Variants in ABCC10 observed in about 807,000 individuals in gnomAD.
ABCC10 encodes ATP-binding cassette sub-family C member 10.
A neutral mutation model predicts 143.2 loss-of-function variants in ABCC10; 110 were observed. That is an observed-to-expected ratio of 0.77 (90% confidence interval 0.66 to 0.90). The LOEUF (loss-of-function observed/expected upper bound fraction) is 0.90. Ranked by LOEUF, ABCC10 falls within the 40% of genes least tolerant of loss-of-function variation. The pLI is 0.00. For missense variants in ABCC10, 1,700 were observed against 1,900.5 expected (o/e 0.89, Z 1.96); for synonymous variants, 805 against 846.7 (o/e 0.95, Z 0.85).
At chr6:43,437,208 G>A (rs1160984507) in intron 6 of ABCC10, among the ~76,000 whole-genome samples, 1 of 151,998 alleles carries the variant, frequency 6.6e-6, no homozygotes, top group Non-Finnish European at 1.5e-5. Flanking sequence ...GAGTTTACAA[G>A]TTACAGCCAA....
intron 2 of ABCC10, among the ~76,000 whole-genome samples, chr6:43,428,370 T>C (rs1322739077): frequency 1.3e-5 from 2 of 152,204 alleles, no homozygotes; most frequent in Non-Finnish European, 2.9e-5. Context: ...TTTAAGCATA[T>C]AGTGCAGCGC....
intron 1 of ABCC10, 62 bp from the exon 2 acceptor site, chr6:43,427,905 TG>T: frequency 6.3e-7 from 1 of 1,581,914 alleles, no homozygotes; most frequent in South Asian, 1.1e-5. Context: ...GAGACCCGGC[TG>T]GGAAGTGCAG....
At chr6:43,438,865 C>G in intron 8 of ABCC10, 70 bp downstream of exon 8, 1 of 1,557,476 alleles carries the variant, frequency 6.4e-7, no homozygotes, top group South Asian at 1.2e-5. Flanking sequence ...AAACCAGGAG[C>G]TTTGCTTTTC....
downstream of ABCC10, chr6:43,451,256 G>A (rs150986737): frequency 1.7e-5 from 27 of 1,613,810 alleles, no homozygotes; most frequent in Non-Finnish European, 2.2e-5. The surrounding 1 kb of genome is among the most constrained non-coding windows in gnomAD (Gnocchi z 4.4). Context: ...GGCACTGCCC[G>A]CCATTGCGGC....
In ABCC10 at chr6:43,443,210, A is replaced by G; in HGVS notation, c.2416+51A>G. On this transcript the variant is annotated intron_variant, in intron 10 of 21. Transcript: ENST00000372530. This position sits in a 1 kb window ranked among gnomAD's most constrained non-coding sequence, Gnocchi z 4.2. ...AGGGAGGTGTCTGCCCAGGTCTGGCAGGGGATTGTGAAGTACAGACTCTGC... is the reference window on the plus strand; with the variant it reads ...AGGGAGGTGTCTGCCCAGGTCTGGCGGGGGATTGTGAAGTACAGACTCTGC... 1 of 1,517,800 alleles carries G rather than the reference A, an allele frequency of 6.6e-7. No individual in the cohort carries two copies. Among genetic ancestry groups the G allele is most frequent in the Non-Finnish European group, 8.8e-7 (1 of 1,138,670 alleles). The allele number at this position is 1,517,800 out of a possible 1,614,324, so 94.0% of individuals were successfully genotyped here.
At position 43,433,346 on chromosome 6, in the gene ABCC10, G is replaced by T; in HGVS notation, c.1366G>T (p.Asp456Tyr). The T allele has an allele frequency of 6.2e-7, 1 of 1,611,916 alleles. No homozygotes were observed. Among genetic ancestry groups the T allele is most frequent in the Non-Finnish European group, 8.5e-7 (1 of 1,178,352 alleles). ...ASNQEMLQHK[D>Y]ARVKLVTELL... ...CAACCAGGAAATGCTACAGCACAAG[G>T]ATGCGCGGGTTAAGGTGAGCGGGTA... The change falls in exon 3 of 22, where the codon GAT (aspartate) becomes TAT (tyrosine). Residue 456 changes from aspartate to tyrosine, a missense_variant. Asp to Tyr is a radical substitution (Grantham distance 160). Coordinates refer to ENST00000372530, the MANE Select transcript of ABCC10 (RefSeq NM_001198934.2).
chr6:43,444,282 A>G lies in ABCC10; in HGVS notation c.2618A>G (p.Tyr873Cys), dbSNP rs1362541595. ...KKEGAVALHV[Y>C]QAYWKAVGQG... ...GAGGGCGCCGTGGCCTTGCACGTGT[A>G]CCAAGCTTACTGGAAGGCCGTGGGC... The change falls in exon 12 of 22, where the codon TAC becomes TGC. Residue 873 changes from tyrosine to cysteine, a missense_variant. Coordinates refer to ENST00000372530, the MANE Select transcript of ABCC10 (RefSeq NM_001198934.2). The G allele has an allele frequency of 1.2e-6, 2 of 1,613,986 alleles. No individual in the cohort carries two copies. Among genetic ancestry groups the G allele is most frequent in the Admixed American group, 1.7e-5 (1 of 59,996 alleles).
At chr6:43,437,433 CAAAAAAAAA>C (rs57827467) in intron 6 of ABCC10, among the ~76,000 whole-genome samples, 10 of 102,392 alleles carry the variant, frequency 9.8e-5, no homozygotes, top group East Asian at 2.3e-4. Context: ...AACATATGAC[CAAAAAAAAA>C]AAAAAAAAAA....
chr6:43,442,022 T>C, intron 9 of ABCC10, 62 bp downstream of exon 9: 1 of 1,441,050 alleles, frequency 6.9e-7, no homozygotes. Context: ...CCTTGGGAAC[T>C]TGGCTGAGTT....
At chr6:43,435,967 G>C in intron 5 of ABCC10, 60 bp downstream of exon 5, 1 of 1,608,898 alleles carries the variant, frequency 6.2e-7, no homozygotes. Flanking sequence ...GGAGCCACTT[G>C]GGTGCTGCGC....
Position 43,444,190 on chromosome 6 carries a change from A to T in ABCC10, c.2526A>T (p.Lys842Asn). The T allele has an allele frequency of 6.2e-7, 1 of 1,613,980 alleles. No individual in the cohort carries two copies. The highest frequency in any genetic ancestry group is 8.5e-7 in the Non-Finnish European group (1 of 1,179,926). ...ATAQSVQNPEKTKEGLEEEQS... is the reference protein window; with the variant it reads ...ATAQSVQNPENTKEGLEEEQS... ...CCCAGTCAGTACAGAACCCAGAGAA[A>T]ACAAAGGAGGGGCTGGAGGAGGAGC... Residue 842 changes from lysine to asparagine, a missense_variant, in exon 12 of 22, where the codon AAA (lysine) becomes AAT (asparagine). Lys to Asn is a moderately conservative substitution (Grantham distance 94). Transcript: ENST00000372530.
At chr6:43,439,793 A>G (rs1330690414) in intron 8 of ABCC10, among the ~76,000 whole-genome samples, 13 of 152,090 alleles carry the variant, frequency 8.5e-5, no homozygotes, top group Admixed American at 1.3e-4. Flanking sequence ...CATGTTGGCC[A>G]GAATGGTCTC....
intron 2 of ABCC10, among the ~76,000 whole-genome samples, chr6:43,428,981 C>A (rs1427197256): frequency 6.6e-6 from 1 of 152,180 alleles, no homozygotes; most frequent in Non-Finnish European, 1.5e-5. Context: ...CCTCCCAGAC[C>A]AAGCGGATAC....
At chr6:43,439,311 G>A (rs773066206) in intron 8 of ABCC10, among the ~76,000 whole-genome samples, 5 of 152,154 alleles carry the variant, frequency 3.3e-5, no homozygotes, top group African/African-American at 4.8e-5. Flanking sequence ...CCAGGTAAAT[G>A]TGGAATGTCC....
At position 43,447,897 on chromosome 6, in the gene ABCC10, G is replaced by C. The variant is rs773382343; in HGVS notation, c.3919G>C (p.Asp1307His). ...LEPSSGRVLL[D>H]GVDTSQLELA... ...GCCCAGTTCAGGGCGAGTGCTGCTGGACGGCGTGGACACCAGCCAGCTGGA... is the reference window on the plus strand; with the variant it reads ...GCCCAGTTCAGGGCGAGTGCTGCTGCACGGCGTGGACACCAGCCAGCTGGA... Residue 1307 changes from aspartate (D) to histidine (H), a missense_variant, in exon 18 of 22, where the codon GAC becomes CAC. By Grantham distance (81) the Asp-to-His change is moderately conservative. Transcript: ENST00000372530. The C allele has an allele frequency of 6.2e-7, 1 of 1,613,792 alleles. No homozygotes were observed. Among genetic ancestry groups the C allele is most frequent in the South Asian group, 1.1e-5 (1 of 91,084 alleles).
rs1781249517 is a variant in ABCC10, at chr6:43,432,554, C to T, written c.574C>T (p.Pro192Ser). The change falls in exon 3 of 22, where the codon CCT (proline) becomes TCT (serine). Residue 192 changes from proline to serine, a missense_variant. By Grantham distance (74) the Pro-to-Ser change is moderately conservative. Coordinates refer to ENST00000372530, the MANE Select transcript of ABCC10 (RefSeq NM_001198934.2). Reference protein sequence around the residue: ...LLAYALGWAAPGGPREPWAQE... With the variant: ...LLAYALGWAASGGPREPWAQE... Reference sequence around the variant, plus strand: ...GGCCTATGCACTGGGATGGGCAGCTCCTGGGGGACCACGAGAACCCTGGGC... The same window carrying T: ...GGCCTATGCACTGGGATGGGCAGCTTCTGGGGGACCACGAGAACCCTGGGC... The T allele has an allele frequency of 5.0e-6, 8 of 1,613,274 alleles. No individual in the cohort carries two copies. The highest frequency in any genetic ancestry group is 1.1e-5 in the South Asian group (1 of 91,088).
At chr6:43,445,383 C>T (rs1018371306) in intron 14 of ABCC10, 69 bp downstream of exon 14, 58 of 1,515,210 alleles carry the variant, frequency 3.8e-5, no homozygotes, top group Middle Eastern at 1.9e-4. Context: ...TCCCAATACT[C>T]GGGCTCCACT....
downstream of ABCC10, chr6:43,451,829 G>T: frequency 6.8e-7 from 1 of 1,481,430 alleles, no homozygotes; most frequent in Non-Finnish European, 9.0e-7. The surrounding 1 kb of genome is among the most constrained non-coding windows in gnomAD (Gnocchi z 4.4). Flanking sequence ...GAGTGTCCCC[G>T]TGTGGGTCTG....
At position 43,445,868 on chromosome 6, in the gene ABCC10, G is replaced by C; in HGVS notation, c.3300G>C (p.Leu1100=). 1 of 1,614,090 alleles carries C rather than the reference G, an allele frequency of 6.2e-7. No homozygotes were observed. Among genetic ancestry groups the C allele is most frequent in the Non-Finnish European group, 8.5e-7 (1 of 1,180,036 alleles). The change falls in exon 15 of 22, where the codon CTG becomes CTC. Residue 1100 remains leucine (L), a synonymous_variant. Transcript: ENST00000372530. ...RELRRLGSLT[L]SPLYSHLADT... ...TGCGGCGCCTGGGCAGCCTCACCCT[G>C]TCTCCACTGTATAGCCATCTGGCCG...
Sources: gnomAD v4.1 joint callset for allele counts (sites outside exome capture counted in the v4.1 genomes callset) on GRCh38, gnomAD v4.1.1 for gene constraint, Gnocchi (gnomAD v3.1) non-coding constraint, MANE v1.5 for transcripts, NCBI Gene and HGNC (gene_info 2026-07-23, HGNC 2026-07-21) for gene names.